Variants in SMYD3 observed in about 807,000 individuals in gnomAD.
SMYD3 encodes the protein histone-lysine N-methyltransferase SMYD3.
In SMYD3, 36 loss-of-function variants were observed where a neutral mutation model predicts 57.7. The observed-to-expected ratio is 0.62, with a 90% CI of 0.48 to 0.82. SMYD3 has a LOEUF of 0.82. SMYD3 is among the 40% of genes least tolerant of loss of function. SMYD3 has a pLI of 0.00. For missense variants in SMYD3, 515 were observed against 538.8 expected (o/e 0.96, Z 0.44); for synonymous variants, 211 against 195.0 (o/e 1.08, Z -0.68).
At chr1:245,930,848 T>C (rs1020122019) in intron 5 of SMYD3, 1 of 152,158 alleles carries the variant, frequency 6.6e-6, no homozygotes, top group Non-Finnish European at 1.5e-5. Flanking sequence ...ACAAGGTCCT[T>C]ACAGAGAAAA....
At chr1:245,817,576 G>T (rs1239794303) in intron 10 of SMYD3, among the ~76,000 whole-genome samples, 3 of 152,026 alleles carry the variant, frequency 2.0e-5, no homozygotes, top group Non-Finnish European at 4.4e-5. Context: ...AGAGAAGAAG[G>T]CTTCAGACGA....
At chr1:246,154,910 A>T (rs973318967) in intron 5 of SMYD3, among the ~76,000 whole-genome samples, 1 of 151,684 alleles carries the variant, frequency 6.6e-6, no homozygotes, top group Non-Finnish European at 1.5e-5. Flanking sequence ...GCTTCATAAG[A>T]AGCTGGGACT....
intron 8 of SMYD3, among the ~76,000 whole-genome samples, chr1:245,874,927 G>C (rs144865513): frequency 3.9e-5 from 6 of 152,276 alleles, no homozygotes; most frequent in African/African-American, 1.2e-4. Context: ...AGGAGAGAGG[G>C]GTGACCAGAT....
chr1:246,222,873 T>C (rs1250911387), intron 5 of SMYD3, among the ~76,000 whole-genome samples: 1 of 152,182 alleles, frequency 6.6e-6, no homozygotes, highest in Non-Finnish European at 1.5e-5. Flanking sequence ...ATAATCACGG[T>C]ACATTTGATG....
At chr1:246,444,067 T>C (rs6679017) in intron 1 of SMYD3, among the ~76,000 whole-genome samples, 2 of 152,060 alleles carry the variant, frequency 1.3e-5, no homozygotes, top group Non-Finnish European at 2.9e-5. Flanking sequence ...GAAACATCTA[T>C]GATTTTGACC....
chr1:246,260,816 C>T (rs2063993353), intron 5 of SMYD3, among the ~76,000 whole-genome samples: 1 of 152,084 alleles, frequency 6.6e-6, no homozygotes, highest in Non-Finnish European at 1.5e-5. Context: ...ATGCTACAAG[C>T]CTCTTATCTG....
chr1:246,433,118 A>G (rs2067321749), intron 1 of SMYD3, among the ~76,000 whole-genome samples: 1 of 152,216 alleles, frequency 6.6e-6, no homozygotes, highest in Non-Finnish European at 1.5e-5. Context: ...TGACTTCAGT[A>G]AAGTTTCAGG....
intron 10 of SMYD3, among the ~76,000 whole-genome samples, chr1:245,785,171 T>TA (rs1371709746): frequency 6.6e-6 from 1 of 151,952 alleles, no homozygotes; most frequent in Non-Finnish European, 1.5e-5. Context: ...CATGAGCCAT[T>TA]ACGCCAGGCC....
Position 246,485,091 on chromosome 1 carries a change from G to A in SMYD3, c.164+21963C>T, listed in dbSNP as rs111728157. ...CACTAGTTACACCTGAAAACACATCGCCTCAACCAAAATACCTAAACTACT... is the reference window on the plus strand; with the variant it reads ...CACTAGTTACACCTGAAAACACATCACCTCAACCAAAATACCTAAACTACT... On this transcript the variant is annotated intron_variant, in intron 1 of 11. Transcript: ENST00000490107. Among the ~76,000 whole-genome samples, 180 of 81,668 alleles carry A rather than the reference G, an allele frequency of 2.2e-3. 3 individuals are homozygous for A. Among genetic ancestry groups the A allele is most frequent in the East Asian group, 0.016 (48 of 2,950 alleles). 53.6% of individuals were successfully genotyped at this position (81,668 alleles called of 152,430 possible). A position where few individuals can be genotyped will look rare whatever the true frequency, so the allele number is the denominator to read the frequency against.
At chr1:245,907,179 T>C (rs1409506148) in intron 8 of SMYD3, among the ~76,000 whole-genome samples, 1 of 152,170 alleles carries the variant, frequency 6.6e-6, no homozygotes, top group Non-Finnish European at 1.5e-5. Context: ...TAGTCAATGA[T>C]TACCTAGTTG....
At chr1:246,045,055 C>A (rs7532447) in intron 5 of SMYD3, among the ~76,000 whole-genome samples, 1 of 151,920 alleles carries the variant, frequency 6.6e-6, no homozygotes, top group African/African-American at 2.4e-5. Context: ...GGACATACTG[C>A]CCAAGGTAAT....
At chr1:246,416,014 G>A (rs886389989) in intron 1 of SMYD3, among the ~76,000 whole-genome samples, 1 of 152,118 alleles carries the variant, frequency 6.6e-6, no homozygotes, top group Admixed American at 6.6e-5. Context: ...TATTAGGTTG[G>A]TGCAAAAGGA....
chr1:245,829,079 T>C (rs2049683607), intron 10 of SMYD3, among the ~76,000 whole-genome samples: 1 of 149,802 alleles, frequency 6.7e-6, no homozygotes, highest in Non-Finnish European at 1.5e-5. Context: ...GGCTTTTTTT[T>C]TTTTTTTTCT....
chr1:246,238,684 C>G (rs1283456778), intron 5 of SMYD3, among the ~76,000 whole-genome samples: 1 of 152,128 alleles, frequency 6.6e-6, no homozygotes, highest in African/African-American at 2.4e-5. Flanking sequence ...TTCTTTCTTA[C>G]ATCTCAGATT....
intron 5 of SMYD3, among the ~76,000 whole-genome samples, chr1:246,066,635 C>T (rs71638311): frequency 0.077 from 11,651 of 152,226 alleles, 529 homozygotes; most frequent in African/African-American, 0.12. Flanking sequence ...CAAATACTTT[C>T]TAGAACACCT....
chr1:245,807,593 C>G (rs1268024505), intron 10 of SMYD3, among the ~76,000 whole-genome samples: 1 of 152,140 alleles, frequency 6.6e-6, no homozygotes, highest in African/African-American at 2.4e-5. Context: ...CAAAACCGCA[C>G]TCGAAAACGG....
intron 5 of SMYD3, among the ~76,000 whole-genome samples, chr1:246,043,670 C>T (rs755726862): frequency 1.8e-4 from 28 of 152,172 alleles, no homozygotes; most frequent in Non-Finnish European, 3.2e-4. Context: ...TGCTGTTTAC[C>T]TTTAAAATGT....
chr1:245,932,623 G>T lies in SMYD3; in HGVS notation c.532-2686C>A, dbSNP rs143880983. ...CACCCAGGCTGGAGTGCAGTGGTGCGATCATGGCTCACTGCAGCCTCGAAC... is the reference window on the plus strand; with the variant it reads ...CACCCAGGCTGGAGTGCAGTGGTGCTATCATGGCTCACTGCAGCCTCGAAC... On this transcript the variant is annotated intron_variant, in intron 5 of 11. Transcript: ENST00000490107. Among the ~76,000 whole-genome samples, 104 of 152,196 alleles carry T rather than the reference G, an allele frequency of 6.8e-4. 2 individuals are homozygous for T. The highest frequency in any genetic ancestry group is 2.4e-3 in the African/African-American group (100 of 41,542).
chr1:246,409,699 C>A (rs979023902), intron 1 of SMYD3, among the ~76,000 whole-genome samples: 1 of 151,998 alleles, frequency 6.6e-6, no homozygotes, highest in African/African-American at 2.4e-5. Flanking sequence ...GTAGTTTTTT[C>A]CAATTCTGTG....
Sources: allele counts gnomAD v4.1 joint callset (sites outside exome capture counted in the v4.1 genomes callset), GRCh38; gene constraint gnomAD v4.1.1; transcripts MANE v1.5; gene names NCBI Gene and HGNC (gene_info 2026-07-23, HGNC 2026-07-21).